The following PTPRS variants were observed in gnomAD, a reference collection of about 807,000 sequenced individuals.
PTPRS encodes protein tyrosine phosphatase receptor type S, also known as receptor-type tyrosine-protein phosphatase S.
PTPRS carries 63 observed loss-of-function variants against 215.3 expected under a neutral mutation model. That is an observed-to-expected ratio of 0.29 (90% CI 0.24 to 0.36). The LOEUF is 0.36. PTPRS is among the 10% of genes least tolerant of loss of function. The pLI is 1.00. For synonymous variants in PTPRS, 1,404 were observed against 1,191.4 expected, an observed-to-expected ratio of 1.18 and a Z score of -3.68; for missense variants, 2,258 against 2,825.8, an observed-to-expected ratio of 0.80 and a Z score of 4.56.
chr19:5,242,605 C>G (rs186694145), intron 11 of PTPRS, among the ~76,000 whole-genome samples: 3 of 151,558 alleles, frequency 2.0e-5, no homozygotes, highest in Non-Finnish European at 4.4e-5. Context: ...TCTCAAACTC[C>G]TGACCTCAGG....
At chr19:5,215,169 T>C (rs758628645) in intron 28 of PTPRS, 120 bp downstream of exon 28, 34 of 1,337,190 alleles carry the variant, frequency 2.5e-5, no homozygotes, top group Non-Finnish European at 3.1e-5. Flanking sequence ...TGGCCTCCAG[T>C]TGGAGCTGGA....
At chr19:5,282,422 G>A (rs2047935037) in intron 2 of PTPRS, among the ~76,000 whole-genome samples, 1 of 152,176 alleles carries the variant, frequency 6.6e-6, no homozygotes, top group Admixed American at 6.5e-5. Context: ...TGGGGCTTGA[G>A]GGCGCCGCGC....
chr19:5,225,132 T>G (rs1027532842), intron 17 of PTPRS, among the ~76,000 whole-genome samples: 1 of 151,690 alleles, frequency 6.6e-6, no homozygotes, highest in African/African-American at 2.4e-5. Context: ...AGCCAGCCCC[T>G]TGGGGACGAT....
intron 4 of PTPRS, among the ~76,000 whole-genome samples, chr19:5,266,412 G>T (rs2046401296): frequency 6.6e-6 from 1 of 152,032 alleles, no homozygotes; most frequent in South Asian, 2.1e-4. Flanking sequence ...TTACAGGTAT[G>T]AGCCACTGTG....
chr19:5,333,735 G>A (rs2050403540), intron 1 of PTPRS, among the ~76,000 whole-genome samples: 2 of 152,024 alleles, frequency 1.3e-5, no homozygotes, highest in African/African-American at 2.4e-5. Flanking sequence ...TACAGATCAG[G>A]AAACTGAGGC....
Position 5,210,386 on chromosome 19 carries a change from C to T in PTPRS, c.5487+83G>A, listed in dbSNP as rs2040759567. ...CCAATGCTTATGCCTAACCCTTGGC[C>T]TTTGTATCCATCACCAACCAGGGCA... On this transcript the variant is annotated intron_variant, in intron 35 of 37. Transcript: ENST00000262963. This position sits in a 1 kb window ranked among gnomAD's most constrained non-coding sequence, Gnocchi z 4.5. 1.9e-6 allele frequency: 3 copies of T among 1,588,656 alleles called. No homozygotes were observed.
Position 5,290,836 on chromosome 19 carries a change from C to T in PTPRS, c.-94-4602G>A, listed in dbSNP as rs376932055. Among the ~76,000 whole-genome samples the T allele has an allele frequency of 1.2e-4, 18 of 152,060 alleles. No homozygotes were observed. The East Asian group carries it at 3.1e-3, about 27-fold the overall frequency. ...CCCACCCACAGCTCTCCCGTGCCAC[C>T]GCCTGGAACGTCATTTCCAGGACTG... On this transcript the variant is annotated intron_variant, in intron 1 of 37. Coordinates refer to ENST00000262963, the MANE Select transcript of PTPRS (RefSeq NM_002850.4).
chr19:5,206,723 G>T lies in PTPRS; in HGVS notation c.*51C>A. 1 of 1,555,064 alleles carries T rather than the reference G, an allele frequency of 6.4e-7. No homozygotes were observed. The highest frequency in any genetic ancestry group is 2.2e-5 in the East Asian group (1 of 44,586). On this transcript the variant is annotated 3_prime_UTR_variant, in exon 38 of 38. Transcript: ENST00000262963. ...AGGCCTCAGGAGGTCCGCCCGGGAG[G>T]GGCAGAGGCATCCGGGGCCAGTGGT...
Position 5,237,638 on chromosome 19 carries a change from G to C in PTPRS, c.1849+1281C>G, listed in dbSNP as rs576427234. On this transcript the variant is annotated intron_variant, in intron 13 of 37. Coordinates refer to ENST00000262963, the MANE Select transcript of PTPRS (RefSeq NM_002850.4). This position sits in a 1 kb window ranked among gnomAD's most constrained non-coding sequence, Gnocchi z 4.2. ...AGCCCAGAGTGGCTGGGGCAGGCGG[G>C]GGGGCACGCGGGGTGGGCCGTTTTT... Among the ~76,000 whole-genome samples the C allele has an allele frequency of 2.6e-5, 4 of 152,216 alleles. No individual in the cohort carries two copies. The highest frequency in any genetic ancestry group is 4.4e-5 in the Non-Finnish European group (3 of 68,044).
chr19:5,236,848 GGA>G (rs1491581310), intron 13 of PTPRS, among the ~76,000 whole-genome samples: 2 of 126,168 alleles, frequency 1.6e-5, no homozygotes, highest in Non-Finnish European at 3.1e-5. Flanking sequence ...GGGAGCAGGG[GGA>G]AAAAAAAAAA....
chr19:5,222,643 C>T (rs776422957), intron 18 of PTPRS, 46 bp downstream of exon 18: 41 of 1,458,672 alleles, frequency 2.8e-5, no homozygotes, highest in South Asian at 1.4e-4. Context: ...TGGGGGTGGG[C>T]GCAAGGCCCG....
At position 5,257,669 on chromosome 19, in the gene PTPRS, C is replaced by T. The variant is rs919151131; in HGVS notation, c.706+348G>A. On this transcript the variant is annotated intron_variant, in intron 8 of 37. Coordinates refer to ENST00000262963, the MANE Select transcript of PTPRS (RefSeq NM_002850.4). The surrounding 1 kb of genome is among the most constrained non-coding windows in gnomAD (Gnocchi z 4.4). The stretch of plus-strand genomic sequence containing the variant: ...GGGTGGGCAGGCAGGTGGGGTGGGG[C>T]GGGGCAGAGGCCTGCAGGCTCCCCT... Among the ~76,000 whole-genome samples, 1 of 152,098 alleles carries T rather than the reference C, an allele frequency of 6.6e-6. No homozygotes were observed. The highest frequency in any genetic ancestry group is 1.5e-5 in the Non-Finnish European group (1 of 67,980).
At chr19:5,267,532 C>G (rs576645841) in intron 4 of PTPRS, among the ~76,000 whole-genome samples, 1 of 151,884 alleles carries the variant, frequency 6.6e-6, no homozygotes, top group African/African-American at 2.4e-5. Context: ...TGGCGGACGC[C>G]TGTAATCCCA....
At position 5,208,036 on chromosome 19, in the gene PTPRS, G is replaced by T; in HGVS notation, c.5664C>A (p.Gly1888=). Residue 1888 remains glycine (G), a synonymous_variant, in exon 37 of 38, where the codon GGC becomes GGA. Transcript: ENST00000262963. ...GCACGATGCTAAGCGTGATGAAGAC[G>T]CCCGTCCTGCCCACGCCGGCACTGG... The part of the protein sequence containing the change: ...VHCSAGVGRT[G]VFITLSIVLE... 1.6e-5 allele frequency: 26 copies of T among 1,613,210 alleles called. No homozygotes were observed. The highest frequency in any genetic ancestry group is 1.9e-5 in the Non-Finnish European group (22 of 1,179,588).
At chr19:5,231,644 GT>G (rs1444732283) in intron 13 of PTPRS, 29 bp from the exon 14 acceptor site, 10 of 98,870 alleles carry the variant, frequency 1.0e-4, no homozygotes, top group Non-Finnish European at 1.9e-4. Context: ...ACGTGGGGGG[GT>G]GGGGAAGGGA....
intron 13 of PTPRS, among the ~76,000 whole-genome samples, chr19:5,234,169 T>G (rs1233018413): frequency 1.4e-5 from 2 of 142,566 alleles, no homozygotes; most frequent in Non-Finnish European, 3.2e-5. Flanking sequence ...TGGTAAAATT[T>G]TTCTTGTAGT....
chr19:5,283,066 C>T (rs2048003522), intron 2 of PTPRS, among the ~76,000 whole-genome samples: 2 of 152,232 alleles, frequency 1.3e-5, no homozygotes, highest in Admixed American at 1.3e-4. Context: ...GAGCCTCCCG[C>T]TCCGTGGCCT....
intron 4 of PTPRS, among the ~76,000 whole-genome samples, chr19:5,270,516 C>A (rs1031536498): frequency 6.6e-6 from 1 of 152,138 alleles, no homozygotes; most frequent in Admixed American, 6.5e-5. Flanking sequence ...CTCTATGTTG[C>A]CCAGACTAGT....
intron 1 of PTPRS, among the ~76,000 whole-genome samples, chr19:5,307,198 C>T (rs2049525340): frequency 6.6e-6 from 1 of 152,130 alleles, no homozygotes; most frequent in South Asian, 2.1e-4. Flanking sequence ...ATCCCAGCAA[C>T]TCGGGATGCT....
Sources: allele counts gnomAD v4.1 joint callset (sites outside exome capture counted in the v4.1 genomes callset), GRCh38; gene constraint gnomAD v4.1.1; non-coding constraint Gnocchi (gnomAD v3.1); transcripts MANE v1.5; gene names NCBI Gene and HGNC (gene_info 2026-07-23, HGNC 2026-07-21).